BORCS8: variants seen among roughly 807,000 people sequenced by gnomAD.
BORCS8 encodes BLOC-1-related complex subunit 8.
BORCS8 carries 13 observed loss-of-function variants against 18.7 expected under a neutral mutation model. The ratio of observed to expected loss-of-function variants is 0.70; its 90% CI spans 0.45 to 1.11. The LOEUF (loss-of-function observed/expected upper bound fraction) is 1.11, where lower values mean the gene tolerates loss of function less well. BORCS8 is among the 50% of genes least tolerant of loss of function. The probability of loss-of-function intolerance (pLI) is 0.00; values close to 1 mark genes in which losing one functional copy is unlikely to be tolerated. For synonymous variants in BORCS8, 68 were observed against 64.8 expected (o/e 1.05, Z -0.24); for missense variants, 165 against 165.7 (o/e 1.00, Z 0.02).
At position 19,182,719 on chromosome 19, in the gene BORCS8, A is replaced by C; in HGVS notation, c.216-36T>G. ...AGGACAGGCCTGGTCAGCGCTCCGG[A>C]CCTGCAGGTAACTGTCCCACACCCC... is the stretch of plus-strand genomic sequence containing the variant. On this transcript the variant is annotated intron_variant, in intron 3 of 5. Coordinates refer to ENST00000462790, the MANE Select transcript of BORCS8 (RefSeq NM_001145784.2). This position sits in a 1 kb window ranked among gnomAD's most constrained non-coding sequence, Gnocchi z 4.1. 1 of 1,533,006 alleles carries C rather than the reference A, an allele frequency of 6.5e-7. No individual in the cohort carries two copies. Among genetic ancestry groups the C allele is most frequent in the South Asian group, 1.2e-5 (1 of 82,622 alleles). 95.0% of individuals were successfully genotyped at this position (1,533,006 alleles called of 1,614,324 possible). A position where few individuals can be genotyped will look rare whatever the true frequency, so the allele number is the denominator to read the frequency against.
chr19:19,182,728 T>A lies in BORCS8; in HGVS notation c.216-45A>T. On this transcript the variant is annotated intron_variant, in intron 3 of 5. Coordinates refer to ENST00000462790, the MANE Select transcript of BORCS8 (RefSeq NM_001145784.2). The surrounding 1 kb of genome is among the most constrained non-coding windows in gnomAD (Gnocchi z 4.1). ...CTGGTCAGCGCTCCGGACCTGCAGG[T>A]AACTGTCCCACACCCCAGCACTTGA... The A allele has an allele frequency of 2.0e-6, 3 of 1,525,308 alleles. No homozygotes were observed. Among genetic ancestry groups the A allele is most frequent in the Non-Finnish European group, 2.6e-6 (3 of 1,134,162 alleles). 94.5% of individuals were successfully genotyped at this position (1,525,308 alleles called of 1,614,324 possible). A position where few individuals can be genotyped will look rare whatever the true frequency, so the allele number is the denominator to read the frequency against.
intron 1 of BORCS8, among the ~76,000 whole-genome samples, chr19:19,189,981 TA>T: frequency 6.6e-6 from 1 of 152,056 alleles, no homozygotes; most frequent in Admixed American, 6.6e-5. Context: ...AGCAGAGCTC[TA>T]AACACTTGGT....
intron 3 of BORCS8, among the ~76,000 whole-genome samples, chr19:19,185,662 G>T (rs1419158015): frequency 3.3e-5 from 5 of 152,166 alleles, no homozygotes; most frequent in African/African-American, 9.7e-5. Flanking sequence ...CTCCAGCCTG[G>T]GTGACAGAGT....
At chr19:19,177,676 GGAA>G (rs1466926853) in intron 5 of BORCS8, 1 of 80,782 alleles carries the variant, frequency 1.2e-5, no homozygotes, top group African/African-American at 5.9e-5. Context: ...AAGGAAGGAA[GGAA>G]GGAAGGAAGG....
Position 19,186,884 on chromosome 19 carries a change from C to G in BORCS8, c.150+9G>C. 1.3e-6 allele frequency: 2 copies of G among 1,537,604 alleles called. No individual in the cohort carries two copies. The highest frequency in any genetic ancestry group is 1.8e-6 in the Non-Finnish European group (2 of 1,139,774). Reference sequence around the variant, plus strand: ...CAGCCCCTGCTCCTCCCAGCAGGCCCCAGCTCACCTTGTGCTGGGCCAGCT... The same window carrying G: ...CAGCCCCTGCTCCTCCCAGCAGGCCGCAGCTCACCTTGTGCTGGGCCAGCT... On this transcript the variant is annotated intron_variant, in intron 2 of 5. Coordinates refer to ENST00000462790, the MANE Select transcript of BORCS8 (RefSeq NM_001145784.2).
At chr19:19,180,612 T>C (rs1599751363) in intron 5 of BORCS8, 74 bp downstream of exon 5, 2 of 1,059,074 alleles carry the variant, frequency 1.9e-6, no homozygotes, top group Non-Finnish European at 1.4e-6. Context: ...AGCAGGTGCC[T>C]GCCTGGCTGC....
rs2060405677 is a variant in BORCS8 at position 19,186,059 on chromosome 19, T to C, written c.190A>G (p.Ile64Val). Residue 64 changes from isoleucine to valine, a missense_variant, in exon 3 of 6, where the codon ATC becomes GTC. Transcript: ENST00000462790. ...QRWEEQSQGA[I>V]YTVEYACSAV... ...CTGCAGGCGTACTCCACAGTGTAGA[T>C]GGCTCCCTGGCTCTGCTCCTCCCAA... 1 of 1,551,204 alleles carries C rather than the reference T, an allele frequency of 6.4e-7. No individual in the cohort carries two copies. The highest frequency in any genetic ancestry group is 8.7e-7 in the Non-Finnish European group (1 of 1,146,956).
chr19:19,189,583 T>G (rs1196123743), intron 1 of BORCS8, among the ~76,000 whole-genome samples: 1 of 152,126 alleles, frequency 6.6e-6, no homozygotes, highest in Non-Finnish European at 1.5e-5. Flanking sequence ...TGCCCAGAAC[T>G]TTCTCACTGC....
At chr19:19,177,696 G>GGAAAGAAAAGAAAAGAAAAGAAA (rs1376064847) in intron 5 of BORCS8, 1 of 74,650 alleles carries the variant, frequency 1.3e-5, no homozygotes, top group African/African-American at 5.1e-5. Context: ...AAGGAAGGAA[G>GGAAAGAAAAGAAAAGAAAAGAAA]AGAAAAGAAA....
rs1380505487 is a variant in BORCS8 at position 19,180,832 on chromosome 19, G to A, written c.327-71C>T. The A allele has an allele frequency of 5.5e-6, 8 of 1,449,628 alleles. No homozygotes were observed. The East Asian group carries it at 1.3e-4, about 23-fold the overall frequency. 89.8% of individuals were successfully genotyped at this position (1,449,628 alleles called of 1,614,324 possible). A position where few individuals can be genotyped will look rare whatever the true frequency, so the allele number is the denominator to read the frequency against. ...CACAAGGCTTGCTCAGCTGGCTGGA[G>A]TGTATGTTTGGGTGATACTCTGGTC... On this transcript the variant is annotated intron_variant, in intron 4 of 5. Transcript: ENST00000462790.
chr19:19,180,539 C>G lies in BORCS8; in HGVS notation c.*42+147G>C, dbSNP rs2060337858. On this transcript the variant is annotated intron_variant, in intron 5 of 5. Transcript: ENST00000462790. Reference sequence around the variant, plus strand: ...GGAACATTCTGGACCTGCAGACACCCCTCCACCTGCCACCTCCGAAATCAT... The same window carrying G: ...GGAACATTCTGGACCTGCAGACACCGCTCCACCTGCCACCTCCGAAATCAT... The G allele has an allele frequency of 4.5e-6, 3 of 662,070 alleles. No individual in the cohort carries two copies. The South Asian group carries it at 5.1e-5, about 11-fold the overall frequency. The allele number at this position is 662,070 out of a possible 1,614,324, so 41.0% of individuals were successfully genotyped here. A position where few individuals can be genotyped will look rare whatever the true frequency, so the allele number is the denominator to read the frequency against.
chr19:19,184,524 G>A (rs1293494919), intron 3 of BORCS8, among the ~76,000 whole-genome samples: 7 of 151,514 alleles, frequency 4.6e-5, no homozygotes, highest in East Asian at 2.0e-4. Flanking sequence ...GGATGGTCTC[G>A]ATCTCCTGAG....
At chr19:19,184,905 T>G (rs1390909331) in intron 3 of BORCS8, among the ~76,000 whole-genome samples, 1 of 152,062 alleles carries the variant, frequency 6.6e-6, no homozygotes, top group East Asian at 1.9e-4. Context: ...CGGCCGTATT[T>G]CTTTCTTCTT....
rs538495386 is a variant in BORCS8 at position 19,185,110 on chromosome 19, G to C, written c.215+924C>G. Among the ~76,000 whole-genome samples the C allele has an allele frequency of 6.6e-5, 10 of 152,342 alleles. No individual in the cohort carries two copies. In the East Asian group the frequency reaches 1.7e-3, roughly 26 times the overall value. ...TGGTCAACCCTTGTCCCACCAAGGG[G>C]GCCAAGGCTGCCAATGGCAGAATAC... On this transcript the variant is annotated intron_variant, in intron 3 of 5. Coordinates refer to ENST00000462790, the MANE Select transcript of BORCS8 (RefSeq NM_001145784.2).
chr19:19,182,484 A>G lies in BORCS8; in HGVS notation c.326+89T>C. The G allele has an allele frequency of 6.7e-7, 1 of 1,482,370 alleles. No individual in the cohort carries two copies. Among genetic ancestry groups the G allele is most frequent in the Non-Finnish European group, 8.9e-7 (1 of 1,117,338 alleles). The allele number at this position is 1,482,370 out of a possible 1,614,324, so 91.8% of individuals were successfully genotyped here. A position where few individuals can be genotyped will look rare whatever the true frequency, so the allele number is the denominator to read the frequency against. ...ACAAAAGGAAAGAGACAGTTTTCTA[A>G]TAAGCGAGAAGCAGCGGTTCCCAGC... On this transcript the variant is annotated intron_variant, in intron 4 of 5. Transcript: ENST00000462790. This position sits in a 1 kb window ranked among gnomAD's most constrained non-coding sequence, Gnocchi z 4.1.
At position 19,182,583 on chromosome 19, in the gene BORCS8, G is replaced by C; in HGVS notation, c.316C>G (p.Gln106Glu). The change falls in exon 4 of 6, where the codon CAG becomes GAG. Residue 106 changes from glutamine to glutamate, a missense_variant. Transcript: ENST00000462790. The surrounding 1 kb of genome is among the most constrained non-coding windows in gnomAD (Gnocchi z 4.1). ...GGTCCCAGGAGCTACCTGTGGCCCTGGGCACTGGCATTCATATGGTCCCGG... is the reference window on the plus strand; with the variant it reads ...GGTCCCAGGAGCTACCTGTGGCCCTCGGCACTGGCATTCATATGGTCCCGG... ...SIRDHMNASA[Q>E]GHSPEEPPPP... 3 of 1,550,882 alleles carry C rather than the reference G, an allele frequency of 1.9e-6. No homozygotes were observed. The highest frequency in any genetic ancestry group is 2.6e-6 in the Non-Finnish European group (3 of 1,146,872).
chr19:19,183,143 T>C (rs1290961753), intron 3 of BORCS8, among the ~76,000 whole-genome samples: 1 of 152,010 alleles, frequency 6.6e-6, no homozygotes, highest in Non-Finnish European at 1.5e-5. Flanking sequence ...GCGCAGTGGA[T>C]CATGCCTGTA....
In BORCS8 at chr19:19,182,342, A is replaced by C. The variant is rs2146415349; in HGVS notation, c.326+231T>G. On this transcript the variant is annotated intron_variant, in intron 4 of 5. Transcript: ENST00000462790. This position sits in a 1 kb window ranked among gnomAD's most constrained non-coding sequence, Gnocchi z 4.1. ...GAGCCTGTCTGTCTCGGTCACTGCT[A>C]TGTCCCCAGTGCCCAGCCCAGGGCC... 2 of 1,134,804 alleles carry C rather than the reference A, an allele frequency of 1.8e-6. No individual in the cohort carries two copies. Among genetic ancestry groups the C allele is most frequent in the South Asian group, 4.1e-5 (2 of 49,330 alleles). 70.3% of individuals were successfully genotyped at this position (1,134,804 alleles called of 1,614,324 possible). A position where few individuals can be genotyped will look rare whatever the true frequency, so the allele number is the denominator to read the frequency against.
Position 19,182,199 on chromosome 19 carries a change from C to T in BORCS8, c.326+374G>A, listed in dbSNP as rs541476430. 83 of 418,640 alleles carry T rather than the reference C, an allele frequency of 2.0e-4. No homozygotes were observed. The highest frequency in any genetic ancestry group is 1.5e-3 in the African/African-American group (68 of 46,810). 25.9% of individuals were successfully genotyped at this position (418,640 alleles called of 1,614,324 possible). A position where few individuals can be genotyped will look rare whatever the true frequency, so the allele number is the denominator to read the frequency against. On this transcript the variant is annotated intron_variant, in intron 4 of 5. Coordinates refer to ENST00000462790, the MANE Select transcript of BORCS8 (RefSeq NM_001145784.2). The surrounding 1 kb of genome is among the most constrained non-coding windows in gnomAD (Gnocchi z 4.1). The stretch of plus-strand genomic sequence containing the variant: ...CATGGAACTCCGTCTGCCCCCGGAT[C>T]GTCTCTGTCTGCATGTAACTCATGC...
Sources: gnomAD v4.1 joint callset for allele counts (sites outside exome capture counted in the v4.1 genomes callset) on GRCh38, gnomAD v4.1.1 for gene constraint, Gnocchi (gnomAD v3.1) non-coding constraint, MANE v1.5 for transcripts, NCBI Gene and HGNC (gene_info 2026-07-23, HGNC 2026-07-21) for gene names.